Variants in IMPG2 observed in about 807,000 individuals in gnomAD.
The protein encoded by IMPG2 is IPM 200.
A neutral mutation model predicts 129.2 loss-of-function variants in IMPG2; 91 were observed. The ratio of observed to expected loss-of-function variants is 0.70; its 90% confidence interval spans 0.59 to 0.84. IMPG2 has a LOEUF of 0.84. Among genes scored for constraint, IMPG2 ranks in the 40% least tolerant of loss-of-function variants. The pLI is 0.00. For missense variants in IMPG2, 1,430 were observed against 1,461.7 expected (o/e 0.98, Z 0.35); for synonymous variants, 510 against 517.7 (o/e 0.99, Z 0.20).
intron 3 of IMPG2, among the ~76,000 whole-genome samples, chr3:101,294,005 C>T (rs1274247362): frequency 2.0e-5 from 3 of 152,208 alleles, no homozygotes; most frequent in Non-Finnish European, 4.4e-5. Context: ...TCCATATCAG[C>T]AAGAAGGCTG....
chr3:101,285,917 C>T (rs1163745344), intron 4 of IMPG2, among the ~76,000 whole-genome samples: 1 of 152,094 alleles, frequency 6.6e-6, no homozygotes, highest in Non-Finnish European at 1.5e-5. Flanking sequence ...TTTCATTCTT[C>T]ATGTTTGTCT....
intron 3 of IMPG2, among the ~76,000 whole-genome samples, chr3:101,301,705 A>G (rs1281290877): frequency 6.6e-6 from 1 of 152,078 alleles, no homozygotes; most frequent in Non-Finnish European, 1.5e-5. Context: ...GTGTCCTACT[A>G]ATTTTGTTCC....
chr3:101,254,048 T>C (rs1706572993), intron 10 of IMPG2, among the ~76,000 whole-genome samples: 1 of 152,174 alleles, frequency 6.6e-6, no homozygotes, highest in African/African-American at 2.4e-5. Flanking sequence ...TTCCTTTCCT[T>C]TCTCAAGTTA....
chr3:101,245,355 G>A (rs184918361), intron 12 of IMPG2, among the ~76,000 whole-genome samples: 2 of 151,920 alleles, frequency 1.3e-5, no homozygotes, highest in East Asian at 3.9e-4. Flanking sequence ...TCTCTGCTGT[G>A]GCTCCATGAT....
chr3:101,285,038 A>G (rs1706930412), intron 4 of IMPG2, among the ~76,000 whole-genome samples: 1 of 152,200 alleles, frequency 6.6e-6, no homozygotes, highest in Admixed American at 6.5e-5. Context: ...AATTGTAAAC[A>G]AGTCTCATTA....
chr3:101,306,991 C>A (rs1321093093), intron 2 of IMPG2, among the ~76,000 whole-genome samples: 2 of 152,126 alleles, frequency 1.3e-5, no homozygotes, highest in Admixed American at 1.3e-4. Flanking sequence ...ATACATATAT[C>A]TGCCAAAGAA....
intron 3 of IMPG2, among the ~76,000 whole-genome samples, chr3:101,296,195 G>C (rs1707078238): frequency 6.6e-6 from 1 of 152,120 alleles, no homozygotes; most frequent in Non-Finnish European, 1.5e-5. Flanking sequence ...ATTGGGTGTG[G>C]GTTTTTGTCA....
intron 18 of IMPG2, 70 bp from the exon 19 acceptor site, chr3:101,227,051 A>T (rs1706232612): frequency 7.0e-7 from 1 of 1,426,200 alleles, no homozygotes; most frequent in African/African-American, 1.4e-5. Context: ...AATTACTGTC[A>T]TACATCACTA....
At chr3:101,256,150 AAAGAAAGAAAGAAAG>A (rs1706600216) in intron 10 of IMPG2, among the ~76,000 whole-genome samples, 2 of 56,478 alleles carry the variant, frequency 3.5e-5, no homozygotes, top group Admixed American at 1.8e-4. Flanking sequence ...GAAAGAAAAG[AAAGAAAGAAAGAAAG>A]AAAGAAAGAA....
At chr3:101,234,598 G>T (rs182051425) in intron 14 of IMPG2, among the ~76,000 whole-genome samples, 2 of 152,324 alleles carry the variant, frequency 1.3e-5, no homozygotes, top group Admixed American at 1.3e-4. Flanking sequence ...CAAGGGAACT[G>T]CATGGCCAGA....
intron 9 of IMPG2, among the ~76,000 whole-genome samples, chr3:101,259,435 ACTT>A: frequency 6.6e-6 from 1 of 152,106 alleles, no homozygotes; most frequent in Non-Finnish European, 1.5e-5. Flanking sequence ...ATTCTTATCT[ACTT>A]CTTTACTTTA....
chr3:101,264,664 C>T (rs1257426547), intron 9 of IMPG2, among the ~76,000 whole-genome samples: 2 of 152,042 alleles, frequency 1.3e-5, no homozygotes, highest in African/African-American at 4.8e-5. Context: ...ACTTTTACCA[C>T]TCCTGTTCAG....
chr3:101,231,284 A>G, intron 15 of IMPG2, 139 bp from the exon 16 acceptor site: 1 of 814,568 alleles, frequency 1.2e-6, no homozygotes, highest in South Asian at 1.4e-5. Flanking sequence ...AGTTGAATAG[A>G]CAGATTAAAA....
At chr3:101,291,596 G>T in intron 3 of IMPG2, 86 bp from the exon 4 acceptor site, 1 of 901,504 alleles carries the variant, frequency 1.1e-6, no homozygotes, top group Non-Finnish European at 1.8e-6. Flanking sequence ...GACCACTACT[G>T]CCCTACCATG....
At chr3:101,236,961 C>A (rs750053269) in intron 14 of IMPG2, among the ~76,000 whole-genome samples, 4 of 152,300 alleles carry the variant, frequency 2.6e-5, no homozygotes, top group Non-Finnish European at 5.9e-5. Flanking sequence ...AGCTAAGATC[C>A]ACTGGTTTGA....
chr3:101,315,430 G>C (rs2058780148), intron 2 of IMPG2, among the ~76,000 whole-genome samples: 1 of 152,098 alleles, frequency 6.6e-6, no homozygotes, highest in South Asian at 2.1e-4. Flanking sequence ...CTGTCCACGT[G>C]GGTGCCTGAA....
intron 4 of IMPG2, among the ~76,000 whole-genome samples, chr3:101,280,881 G>A (rs544061781): frequency 1.6e-3 from 237 of 152,150 alleles, no homozygotes; most frequent in African/African-American, 5.4e-3. Flanking sequence ...CGTCAGAGGT[G>A]GAGGTTGCAG....
intron 8 of IMPG2, among the ~76,000 whole-genome samples, chr3:101,269,064 T>C (rs1313623308): frequency 1.3e-5 from 2 of 152,202 alleles, no homozygotes; most frequent in Non-Finnish European, 2.9e-5. Flanking sequence ...GGAATAAATG[T>C]CTTTAAAAGA....
chr3:101,260,377 G>A (rs1706656768), intron 9 of IMPG2, among the ~76,000 whole-genome samples: 1 of 152,058 alleles, frequency 6.6e-6, no homozygotes, highest in Admixed American at 6.6e-5. Flanking sequence ...TTTCAATTTT[G>A]CACATCTGAG....
Sources: allele counts gnomAD v4.1 joint callset (sites outside exome capture counted in the v4.1 genomes callset), GRCh38; gene constraint gnomAD v4.1.1; transcripts MANE v1.5; gene names NCBI Gene and HGNC (gene_info 2026-07-23, HGNC 2026-07-21).